The following RC3H1 variants were observed in gnomAD, a reference collection of about 807,000 sequenced individuals.
The protein encoded by RC3H1 is roquin-1.
A neutral mutation model predicts 138.2 loss-of-function variants in RC3H1; 50 were observed. The ratio of observed to expected loss-of-function variants is 0.36; its 90% confidence interval spans 0.29 to 0.46. The LOEUF (loss-of-function observed/expected upper bound fraction) is 0.46, where lower values mean the gene tolerates loss of function less well. RC3H1 is among the 20% of genes least tolerant of loss of function. The pLI is 1.00. For missense variants in RC3H1, 1,031 were observed against 1,388.1 expected, an observed-to-expected ratio of 0.74 and a Z score of 4.09; for synonymous variants, 462 against 489.1, an observed-to-expected ratio of 0.94 and a Z score of 0.73.
At chr1:173,957,177 C>G (rs565005384) in intron 13 of RC3H1, among the ~76,000 whole-genome samples, 1 of 152,190 alleles carries the variant, frequency 6.6e-6, no homozygotes, top group African/African-American at 2.4e-5. Flanking sequence ...TTCCTTAATA[C>G]TCAGACATTA....
chr1:174,017,783 C>CAAACAAAA (rs1553234069), intron 1 of RC3H1, among the ~76,000 whole-genome samples: 2 of 72,038 alleles, frequency 2.8e-5, no homozygotes, highest in African/African-American at 1.1e-4. Flanking sequence ...TTTTCTTGCT[C>CAAACAAAA]AAAAAAAAAA....
At chr1:173,965,916 G>A (rs1230401846) in intron 9 of RC3H1, among the ~76,000 whole-genome samples, 4 of 152,058 alleles carry the variant, frequency 2.6e-5, no homozygotes, top group East Asian at 1.9e-4. Context: ...TGAAGCGGGC[G>A]AATCACTTGA....
At position 173,952,321 on chromosome 1, in the gene RC3H1, G is replaced by C. The variant is rs1440332836; in HGVS notation, c.2371-183C>G. On this transcript the variant is annotated intron_variant, in intron 13 of 19. Transcript: ENST00000367696. ...ATAGAAGATTTTTGTAAACTACTAT[G>C]AAAAATATAAAATAAGTGAAGAGTG... Among the ~76,000 whole-genome samples the C allele has an allele frequency of 3.8e-5, 5 of 130,144 alleles. No homozygotes were observed. In the Admixed American group the frequency reaches 4.6e-4, roughly 12 times the overall value. The allele number at this position is 130,144 out of a possible 152,430, so 85.4% of individuals were successfully genotyped here.
At chr1:173,977,166 C>T (rs1433263087) in intron 7 of RC3H1, among the ~76,000 whole-genome samples, 2 of 152,030 alleles carry the variant, frequency 1.3e-5, no homozygotes, top group Non-Finnish European at 2.9e-5. Flanking sequence ...CCTCGTGATC[C>T]GCCCGCCTCG....
intron 2 of RC3H1, among the ~76,000 whole-genome samples, chr1:173,986,052 C>G (rs1354378669): frequency 6.6e-6 from 1 of 152,110 alleles, no homozygotes. Flanking sequence ...GACGGAGTCT[C>G]CCTCTGTCAC....
intron 6 of RC3H1, 151 bp from the exon 7 acceptor site, chr1:173,978,771 CCCAAATAAAT>C (rs1660683985): frequency 1.3e-6 from 1 of 765,398 alleles, no homozygotes; most frequent in Non-Finnish European, 2.0e-6. Context: ...TTACTTGCTA[CCCAAATAAAT>C]TCTGTACTTC....
At chr1:173,983,347 C>G (rs767930736) in intron 4 of RC3H1, 71 bp downstream of exon 4, 11 of 1,550,042 alleles carry the variant, frequency 7.1e-6, no homozygotes, top group Non-Finnish European at 9.7e-6. Flanking sequence ...AGGCTTTGTA[C>G]ATCACTTATA....
Position 173,964,009 on chromosome 1 carries a change from C to T in RC3H1, c.1795G>A (p.Ala599Thr). 2 of 1,614,142 alleles carry T rather than the reference C, an allele frequency of 1.2e-6. No individual in the cohort carries two copies. Among genetic ancestry groups the T allele is most frequent in the South Asian group, 2.2e-5 (2 of 91,078 alleles). ...TDVYYQDPRG[A>T]APPFEPAPYQ... Reference sequence around the variant, plus strand: ...GGTGCTGGTTCAAATGGCGGAGCTGCTCCTCGAGGATCCTGATAATAAACA... The same window carrying T: ...GGTGCTGGTTCAAATGGCGGAGCTGTTCCTCGAGGATCCTGATAATAAACA... Residue 599 changes from alanine (A) to threonine (T), a missense_variant, in exon 11 of 20, where the codon GCA becomes ACA. Ala to Thr is a moderately conservative substitution (Grantham distance 58). Around this residue, in one of 7 missense-constraint regions of RC3H1, gnomAD observed 716 missense variants for 837.9 expected, o/e 0.85. Transcript: ENST00000367696.
At chr1:173,969,840 A>C (rs1016017659) in intron 9 of RC3H1, among the ~76,000 whole-genome samples, 1 of 151,984 alleles carries the variant, frequency 6.6e-6, no homozygotes, top group Non-Finnish European at 1.5e-5. Context: ...TGTTAAACTG[A>C]GCCAAGGGCA....
chr1:174,019,738 T>A (rs984053449), intron 1 of RC3H1, among the ~76,000 whole-genome samples: 1 of 152,144 alleles, frequency 6.6e-6, no homozygotes, highest in South Asian at 2.1e-4. Context: ...GTAATAAGTA[T>A]TGATACTGAA....
chr1:173,966,407 CATTTTT>C (rs1660120159), intron 9 of RC3H1, among the ~76,000 whole-genome samples: 1 of 152,048 alleles, frequency 6.6e-6, no homozygotes, highest in African/African-American at 2.4e-5. Context: ...ACTGCTAATG[CATTTTT>C]ATTTTGAAAA....
In RC3H1 at chr1:173,938,794, G is replaced by C; in HGVS notation, c.3329C>G (p.Ser1110Ter). Residue 1110 changes from serine (S) to a stop codon, truncating the protein, a stop_gained, in exon 20 of 20, where the codon TCA becomes TGA. Transcript: ENST00000367696. LOFTEE classifies it high-confidence loss of function. ...LSNKTSSLNL[S>*]EDPEGGGDNN... ...ATCCCCTCCTCCCTCAGGGTCCTCT[G>C]ACAGGTTCAGAGAGCTGGTCTTGTT... is the stretch of plus-strand genomic sequence containing the variant. The C allele has an allele frequency of 6.2e-7, 1 of 1,613,652 alleles. No homozygotes were observed.
intron 1 of RC3H1, among the ~76,000 whole-genome samples, chr1:174,005,928 G>A (rs760843649): frequency 7.9e-5 from 12 of 152,100 alleles, no homozygotes; most frequent in South Asian, 4.1e-4. Context: ...ATTCCTGGCC[G>A]GGCGCGGTGG....
chr1:174,018,993 T>C (rs189021468), intron 1 of RC3H1, among the ~76,000 whole-genome samples: 2 of 152,310 alleles, frequency 1.3e-5, no homozygotes, highest in African/African-American at 4.8e-5. Context: ...AATTATAAAT[T>C]AAGAACTTCA....
At chr1:173,966,277 T>G (rs1490714320) in intron 9 of RC3H1, among the ~76,000 whole-genome samples, 1 of 152,118 alleles carries the variant, frequency 6.6e-6, no homozygotes, top group Non-Finnish European at 1.5e-5. Flanking sequence ...ATTGCCTGGG[T>G]TTAAAGAGAT....
chr1:173,995,262 G>A (rs2103051774), intron 1 of RC3H1, among the ~76,000 whole-genome samples: 1 of 152,172 alleles, frequency 6.6e-6, no homozygotes, highest in South Asian at 2.1e-4. Flanking sequence ...GGCCAGGCAT[G>A]GTGGCCCACA....
intron 11 of RC3H1, among the ~76,000 whole-genome samples, chr1:173,963,341 G>T (rs984763897): frequency 6.6e-6 from 1 of 151,686 alleles, no homozygotes; most frequent in Non-Finnish European, 1.5e-5. Flanking sequence ...GATTCCTCAA[G>T]TTCTCAATGA....
At chr1:173,970,300 T>C (rs1375945405) in intron 9 of RC3H1, among the ~76,000 whole-genome samples, 2 of 152,242 alleles carry the variant, frequency 1.3e-5, no homozygotes, top group Non-Finnish European at 2.9e-5. Flanking sequence ...TGTGGAATTT[T>C]CAACTTGTGG....
At chr1:174,006,558 T>C (rs1250633252) in intron 1 of RC3H1, among the ~76,000 whole-genome samples, 1 of 152,218 alleles carries the variant, frequency 6.6e-6, no homozygotes, top group Non-Finnish European at 1.5e-5. Flanking sequence ...TATAACACCA[T>C]GCCTTCCAAC....
Sources: allele counts gnomAD v4.1 joint callset (sites outside exome capture counted in the v4.1 genomes callset), GRCh38; gene constraint gnomAD v4.1.1; regional missense constraint gnomAD v4.1.1; transcripts MANE v1.5; gene names NCBI Gene and HGNC (gene_info 2026-07-23, HGNC 2026-07-21).